The following FNDC3B variants were observed in gnomAD, a reference collection of about 807,000 sequenced individuals.
FNDC3B encodes the protein fibronectin type III domain-containing protein 3B.
A neutral mutation model predicts 151.5 loss-of-function variants in FNDC3B; 12 were observed. That is an observed-to-expected ratio of 0.08 (90% confidence interval 0.05 to 0.13). The LOEUF is 0.13. FNDC3B is among the 10% of genes least tolerant of loss of function. The pLI is 1.00. For synonymous variants in FNDC3B, 528 were observed against 549.0 expected, an observed-to-expected ratio of 0.96 and a Z score of 0.54; for missense variants, 1,214 against 1,505.3, an observed-to-expected ratio of 0.81 and a Z score of 3.20.
intron 23 of FNDC3B, among the ~76,000 whole-genome samples, chr3:172,375,562 A>G (rs115470426): frequency 0.012 from 1,810 of 152,270 alleles, 9 homozygotes; most frequent in Non-Finnish European, 0.02. Flanking sequence ...GGCTATTTCC[A>G]TACACATTCT....
chr3:172,195,697 C>T (rs549985351), intron 3 of FNDC3B, among the ~76,000 whole-genome samples: 6 of 152,278 alleles, frequency 3.9e-5, no homozygotes, highest in South Asian at 2.1e-4. Flanking sequence ...TCCCATTTGA[C>T]ACCATTCTCA....
At chr3:172,314,596 C>G (rs750642749) in intron 11 of FNDC3B, among the ~76,000 whole-genome samples, 1 of 152,154 alleles carries the variant, frequency 6.6e-6, no homozygotes, top group Admixed American at 6.5e-5. Context: ...TTGTAATCAC[C>G]TTTGCAATAA....
At chr3:172,186,911 T>G (rs9866716) in intron 3 of FNDC3B, 16,382 of 540,620 alleles carry the variant, frequency 0.03, 2,168 homozygotes, top group African/African-American at 0.28. Flanking sequence ...AAAGTAAAAT[T>G]ACCATCAACA....
chr3:172,137,224 G>A (rs1721417701), intron 3 of FNDC3B, among the ~76,000 whole-genome samples: 1 of 152,176 alleles, frequency 6.6e-6, no homozygotes, highest in South Asian at 2.1e-4. Flanking sequence ...ATTGTATGAG[G>A]TCAGTCCTCT....
chr3:172,087,059 G>A (rs544657797), intron 1 of FNDC3B, among the ~76,000 whole-genome samples: 7 of 152,254 alleles, frequency 4.6e-5, no homozygotes, highest in Non-Finnish European at 7.4e-5. Flanking sequence ...AGCCACTCCC[G>A]GAGATGGAAG....
chr3:172,095,788 T>TA (rs918165248), intron 1 of FNDC3B, among the ~76,000 whole-genome samples: 1 of 99,630 alleles, frequency 1.0e-5, no homozygotes, highest in African/African-American at 4.1e-5. Context: ...TTTTCTTTGT[T>TA]AAAAAAACAA....
intron 11 of FNDC3B, among the ~76,000 whole-genome samples, chr3:172,316,842 C>T (rs35600243): frequency 0.12 from 17,652 of 152,282 alleles, 1,051 homozygotes; most frequent in Middle Eastern, 0.19. Context: ...GCTGCTGTAA[C>T]AGAATACCTG....
intron 10 of FNDC3B, among the ~76,000 whole-genome samples, chr3:172,310,123 G>A (rs6762887): frequency 0.051 from 7,742 of 152,120 alleles, 718 homozygotes; most frequent in African/African-American, 0.18. Context: ...ACCCCACTGC[G>A]GCATCACCTG....
chr3:172,116,813 G>T (rs768295587), intron 2 of FNDC3B, among the ~76,000 whole-genome samples: 12 of 152,158 alleles, frequency 7.9e-5, no homozygotes, highest in African/African-American at 2.9e-4. Flanking sequence ...TGATCTGCCC[G>T]CCTTGGCCTC....
At chr3:172,326,806 C>A (rs1394724060) in intron 11 of FNDC3B, among the ~76,000 whole-genome samples, 1 of 149,510 alleles carries the variant, frequency 6.7e-6, no homozygotes, top group African/African-American at 2.5e-5. Flanking sequence ...GTAAGAAACA[C>A]TGACTTTTTT....
intron 1 of FNDC3B, among the ~76,000 whole-genome samples, chr3:172,041,254 G>A (rs1345500671): frequency 6.6e-6 from 1 of 152,032 alleles, no homozygotes; most frequent in East Asian, 1.9e-4. Flanking sequence ...CTGATTGCTT[G>A]TCTGTTTATT....
At chr3:172,047,399 T>A (rs916253760) in intron 1 of FNDC3B, among the ~76,000 whole-genome samples, 4 of 152,232 alleles carry the variant, frequency 2.6e-5, no homozygotes, top group Non-Finnish European at 5.9e-5. Flanking sequence ...AGGATAAAGT[T>A]TGGCTGCCTA....
chr3:172,102,800 C>T (rs1346869325), intron 1 of FNDC3B, among the ~76,000 whole-genome samples: 1 of 152,186 alleles, frequency 6.6e-6, no homozygotes, highest in African/African-American at 2.4e-5. Flanking sequence ...ATTAGACTTC[C>T]TCAAGGGGCT....
intron 3 of FNDC3B, among the ~76,000 whole-genome samples, chr3:172,208,901 C>T (rs12492846): frequency 0.74 from 112,203 of 151,994 alleles, 43,098 homozygotes; most frequent in Middle Eastern, 0.9. Flanking sequence ...GTGCTGGCTC[C>T]GTGCAAGGCT....
At chr3:172,294,585 A>G (rs1455947289) in intron 7 of FNDC3B, among the ~76,000 whole-genome samples, 5 of 152,204 alleles carry the variant, frequency 3.3e-5, no homozygotes, top group African/African-American at 1.2e-4. Flanking sequence ...GCAATCTGAC[A>G]TGAGATTTGG....
At chr3:172,145,268 A>T (rs1205785340) in intron 3 of FNDC3B, among the ~76,000 whole-genome samples, 2 of 152,164 alleles carry the variant, frequency 1.3e-5, no homozygotes, top group Admixed American at 1.3e-4. Flanking sequence ...TAAGAAGAGG[A>T]GGGAGGTGTA....
chr3:172,265,691 G>A (rs997519275), intron 6 of FNDC3B, among the ~76,000 whole-genome samples: 2 of 152,170 alleles, frequency 1.3e-5, no homozygotes, highest in Non-Finnish European at 2.9e-5. Flanking sequence ...AAAATTTGAA[G>A]CATTTGAGAA....
intron 3 of FNDC3B, among the ~76,000 whole-genome samples, chr3:172,158,752 C>A (rs1389436148): frequency 6.6e-6 from 1 of 152,106 alleles, no homozygotes; most frequent in Non-Finnish European, 1.5e-5. Flanking sequence ...TTTGTTTTCC[C>A]TACAAGTTTT....
intron 3 of FNDC3B, among the ~76,000 whole-genome samples, chr3:172,214,485 G>A (rs1488243089): frequency 1.3e-5 from 2 of 152,140 alleles, no homozygotes; most frequent in Non-Finnish European, 2.9e-5. Context: ...GATGATGAGT[G>A]AGTGAGCAGC....
Sources: allele counts gnomAD v4.1 joint callset (sites outside exome capture counted in the v4.1 genomes callset), GRCh38; gene constraint gnomAD v4.1.1; transcripts MANE v1.5; gene names NCBI Gene and HGNC (gene_info 2026-07-23, HGNC 2026-07-21).